JMY: variants seen among roughly 807,000 people sequenced by gnomAD.
JMY encodes the protein junction mediating and regulatory protein, p53 cofactor, also known as junction-mediating and -regulatory protein.
A neutral mutation model predicts 103.3 loss-of-function variants in JMY; 46 were observed. That is an observed-to-expected ratio of 0.45 (90% confidence interval 0.35 to 0.57). The LOEUF (loss-of-function observed/expected upper bound fraction) is 0.57. Ranked by LOEUF, JMY falls within the 20% of genes least tolerant of loss-of-function variation. The probability of loss-of-function intolerance (pLI) is 0.00; values close to 1 mark genes in which losing one functional copy is unlikely to be tolerated. For synonymous variants in JMY, 526 were observed against 489.3 expected, an observed-to-expected ratio of 1.07 and a Z score of -0.99; for missense variants, 1,238 against 1,255.2, an observed-to-expected ratio of 0.99 and a Z score of 0.21.
intron 5 of JMY, 150 bp from the exon 6 acceptor site, chr5:79,300,526 G>A (rs184153124): frequency 5.6e-6 from 4 of 714,504 alleles, no homozygotes; most frequent in African/African-American, 1.8e-5. Flanking sequence ...TCTATGAGGT[G>A]TATTAAATAA....
intron 6 of JMY, among the ~76,000 whole-genome samples, chr5:79,305,521 C>T (rs1026842603): frequency 2.0e-5 from 3 of 152,044 alleles, no homozygotes; most frequent in African/African-American, 7.2e-5. Context: ...TGGAAAACTT[C>T]TCCAAATAGT....
intron 4 of JMY, among the ~76,000 whole-genome samples, chr5:79,299,603 C>T (rs747331342): frequency 8.5e-5 from 13 of 152,152 alleles, no homozygotes; most frequent in Admixed American, 1.3e-4. Flanking sequence ...TGACACCTTA[C>T]GGATTGCAAG....
chr5:79,314,890 C>T, intron 9 of JMY, 39 bp downstream of exon 9: 1 of 1,493,626 alleles, frequency 6.7e-7, no homozygotes. Flanking sequence ...TGTTGTATGA[C>T]ATCAGGCATA....
At chr5:79,256,549 G>A (rs1460650829) in intron 1 of JMY, among the ~76,000 whole-genome samples, 1 of 152,140 alleles carries the variant, frequency 6.6e-6, no homozygotes, top group East Asian at 1.9e-4. Flanking sequence ...GCATCATCTT[G>A]CTCTGTCCTA....
At position 79,236,604 on chromosome 5, in the gene JMY, C is replaced by T. The variant is rs930360794; in HGVS notation, c.-47C>T. ...GCGCAGCCAGCGGGGAGTCCTCGGGCGGGCCGGGCCGGCGGCCCTTCCCCG... is the reference window on the plus strand; with the variant it reads ...GCGCAGCCAGCGGGGAGTCCTCGGGTGGGCCGGGCCGGCGGCCCTTCCCCG... On this transcript the variant is annotated 5_prime_UTR_variant, in exon 1 of 11. Coordinates refer to ENST00000396137, the MANE Select transcript of JMY (RefSeq NM_152405.5). 530 of 1,322,478 alleles carry T rather than the reference C, an allele frequency of 4.0e-4. No individual in the cohort carries two copies. The highest frequency in any genetic ancestry group is 4.9e-4 in the Non-Finnish European group (506 of 1,023,784). The allele number at this position is 1,322,478 out of a possible 1,614,324, so 81.9% of individuals were successfully genotyped here. A position where few individuals can be genotyped will look rare whatever the true frequency, so the allele number is the denominator to read the frequency against.
chr5:79,273,238 T>A (rs1332789396), intron 1 of JMY, among the ~76,000 whole-genome samples: 1 of 152,224 alleles, frequency 6.6e-6, no homozygotes, highest in Non-Finnish European at 1.5e-5. Flanking sequence ...CATCTGCTGG[T>A]GATGAGTTCT....
At chr5:79,270,338 AT>A (rs1276830297) in intron 1 of JMY, among the ~76,000 whole-genome samples, 1 of 97,518 alleles carries the variant, frequency 1.0e-5, no homozygotes, top group African/African-American at 3.4e-5. Context: ...AATATTTAAA[AT>A]ATATATTTAC....
chr5:79,295,115 T>C (rs1746531145), intron 4 of JMY, among the ~76,000 whole-genome samples: 1 of 152,190 alleles, frequency 6.6e-6, no homozygotes, highest in Non-Finnish European at 1.5e-5. Flanking sequence ...GCATTGATTA[T>C]ATACCATGGT....
At chr5:79,277,271 A>G (rs927972371) in intron 1 of JMY, among the ~76,000 whole-genome samples, 4 of 152,092 alleles carry the variant, frequency 2.6e-5, no homozygotes, top group African/African-American at 9.7e-5. Context: ...TGACAGGTAG[A>G]AATTGAAGAA....
Position 79,236,825 on chromosome 5 carries a change from C to T in JMY, c.175C>T (p.Arg59Trp), listed in dbSNP as rs1412265835. 2.7e-6 allele frequency: 4 copies of T among 1,464,858 alleles called. No individual in the cohort carries two copies. The highest frequency in any genetic ancestry group is 3.0e-5 in the East Asian group (1 of 33,566). 90.7% of individuals were successfully genotyped at this position (1,464,858 alleles called of 1,614,324 possible). A position where few individuals can be genotyped will look rare whatever the true frequency, so the allele number is the denominator to read the frequency against. ...GGCCCAGAGGCAGAGGAGCGGCTCC[C>T]GGGAGCAAGCGGGGGCGCGAGGGGG... ...RTAQRQRSGS[R>W]EQAGARGGAE... Residue 59 changes from arginine to tryptophan, a missense_variant, in exon 1 of 11, where the codon CGG becomes TGG. By Grantham distance (101) the Arg-to-Trp change is moderately radical. Transcript: ENST00000396137.
Position 79,237,349 on chromosome 5 carries a change from T to A in JMY, c.699T>A (p.Phe233Leu), listed in dbSNP as rs542188865. ...AAGAGTGCAGCTGGGCCGGACTGTT[T>A]TCTTTCCAGGACCTGCGCGCCGTGC... is the stretch of plus-strand genomic sequence containing the variant. The part of the protein sequence containing the change: ...PAEECSWAGL[F>L]SFQDLRAVHQ... Residue 233 changes from phenylalanine (F) to leucine (L), a missense_variant, in exon 1 of 11, where the codon TTT (phenylalanine) becomes TTA (leucine). Phe to Leu is a conservative substitution (Grantham distance 22, BLOSUM62 0). Transcript: ENST00000396137. 1 of 1,609,494 alleles carries A rather than the reference T, an allele frequency of 6.2e-7. No homozygotes were observed. Among genetic ancestry groups the A allele is most frequent in the African/African-American group, 1.3e-5 (1 of 74,872 alleles).
chr5:79,270,573 G>A lies in JMY; in HGVS notation c.1033-7337G>A, dbSNP rs1336667046. On this transcript the variant is annotated intron_variant, in intron 1 of 10. Transcript: ENST00000396137. Reference sequence around the variant, plus strand: ...GTATATTTACATAAATATTTAAAATGTATATTTACATAAATATTTAAAATG... The same window carrying A: ...GTATATTTACATAAATATTTAAAATATATATTTACATAAATATTTAAAATG... Among the ~76,000 whole-genome samples the A allele has an allele frequency of 4.4e-3, 125 of 28,690 alleles. 5 individuals are homozygous for A. The highest frequency in any genetic ancestry group is 6.4e-3 in the African/African-American group (75 of 11,706). The allele number at this position is 28,690 out of a possible 152,430, so 18.8% of individuals were successfully genotyped here. A position where few individuals can be genotyped will look rare whatever the true frequency, so the allele number is the denominator to read the frequency against.
intron 1 of JMY, among the ~76,000 whole-genome samples, chr5:79,273,083 T>G (rs757368582): frequency 9.2e-5 from 14 of 152,234 alleles, no homozygotes; most frequent in Non-Finnish European, 1.8e-4. Flanking sequence ...TCCTGTGTAT[T>G]TTATAGAAAT....
intron 1 of JMY, among the ~76,000 whole-genome samples, chr5:79,274,625 C>T (rs145096175): frequency 5.6e-4 from 85 of 152,176 alleles, no homozygotes; most frequent in African/African-American, 2.0e-3. Flanking sequence ...AGGCTGGTCT[C>T]GAACTCCTGA....
intron 4 of JMY, among the ~76,000 whole-genome samples, chr5:79,299,772 T>C (rs1310326555): frequency 6.6e-6 from 1 of 152,088 alleles, no homozygotes; most frequent in Non-Finnish European, 1.5e-5. Flanking sequence ...CTTGTAAATA[T>C]CTGAGAATAG....
chr5:79,304,493 A>G (rs984031813), intron 6 of JMY, among the ~76,000 whole-genome samples: 1 of 152,130 alleles, frequency 6.6e-6, no homozygotes, highest in Non-Finnish European at 1.5e-5. Context: ...GGTGAAGTCA[A>G]TGCTTTGTGA....
intron 1 of JMY, among the ~76,000 whole-genome samples, chr5:79,255,845 G>A (rs2112058543): frequency 6.6e-6 from 1 of 152,350 alleles, no homozygotes; most frequent in Non-Finnish European, 1.5e-5. Context: ...AAGCACTCCT[G>A]TGGCCATCAC....
rs557505257 is a variant in JMY at position 79,273,221 on chromosome 5, T to C, written c.1033-4689T>C. Reference sequence around the variant, plus strand: ...AACACATTTTAAAGAACATTTCTTATGGTGTCCATCTGCTGGTGATGAGTT... The same window carrying C: ...AACACATTTTAAAGAACATTTCTTACGGTGTCCATCTGCTGGTGATGAGTT... On this transcript the variant is annotated intron_variant, in intron 1 of 10. Transcript: ENST00000396137. Among the ~76,000 whole-genome samples, 16 of 152,352 alleles carry C rather than the reference T, an allele frequency of 1.1e-4. 1 individual carries two copies. In the South Asian group the frequency reaches 3.3e-3, roughly 32 times the overall value.
intron 1 of JMY, among the ~76,000 whole-genome samples, chr5:79,244,562 A>C (rs1432249582): frequency 6.6e-6 from 1 of 152,068 alleles, no homozygotes; most frequent in Non-Finnish European, 1.5e-5. Context: ...GCTTCATTTG[A>C]CGTTTCATTA....
Sources: gnomAD v4.1 joint callset for allele counts (sites outside exome capture counted in the v4.1 genomes callset) on GRCh38, gnomAD v4.1.1 for gene constraint, MANE v1.5 for transcripts, NCBI Gene and HGNC (gene_info 2026-07-23, HGNC 2026-07-21) for gene names.